LRRC4C: variants seen among roughly 807,000 people sequenced by gnomAD.
LRRC4C encodes the protein leucine rich repeat containing 4C, also known as leucine-rich repeat-containing protein 4C.
A neutral mutation model predicts 33.6 loss-of-function variants in LRRC4C; 5 were observed. The observed-to-expected ratio is 0.15, with a 90% CI of 0.08 to 0.31. The LOEUF is 0.31. Among genes scored for constraint, LRRC4C ranks in the 10% least tolerant of loss-of-function variants. The pLI is 1.00. For missense variants in LRRC4C, 560 were observed against 796.7 expected (o/e 0.70, Z 3.58); for synonymous variants, 329 against 302.0 (o/e 1.09, Z -0.93).
intron 1 of LRRC4C, among the ~76,000 whole-genome samples, chr11:41,047,822 C>T (rs993812127): frequency 3.3e-5 from 5 of 152,068 alleles, no homozygotes; most frequent in Admixed American, 2.0e-4. Context: ...CCATACTTCC[C>T]TCCTTGTATA....
intron 1 of LRRC4C, among the ~76,000 whole-genome samples, chr11:41,008,644 T>A (rs1327597976): frequency 3.9e-5 from 6 of 152,148 alleles, no homozygotes; most frequent in Non-Finnish European, 8.8e-5. Flanking sequence ...TTAACAGATA[T>A]GCTATTATCA....
intron 3 of LRRC4C, among the ~76,000 whole-genome samples, chr11:40,482,801 G>T (rs988090972): frequency 1.3e-5 from 2 of 152,060 alleles, no homozygotes; most frequent in South Asian, 2.1e-4. Context: ...AGAATACAAA[G>T]AACCTAAATA....
chr11:40,236,420 T>C (rs1865562434), intron 5 of LRRC4C, among the ~76,000 whole-genome samples: 1 of 152,194 alleles, frequency 6.6e-6, no homozygotes, highest in African/African-American at 2.4e-5. Context: ...ATTCAATCTT[T>C]GTTCTTCCAA....
chr11:40,587,824 GC>G (rs1389642320), intron 3 of LRRC4C, among the ~76,000 whole-genome samples: 1 of 152,166 alleles, frequency 6.6e-6, no homozygotes, highest in Non-Finnish European at 1.5e-5. Context: ...CAGGGATAAA[GC>G]CCACTTGATC....
At chr11:40,752,698 T>TA (rs1326646424) in intron 2 of LRRC4C, among the ~76,000 whole-genome samples, 1 of 151,932 alleles carries the variant, frequency 6.6e-6, no homozygotes, top group Non-Finnish European at 1.5e-5. Flanking sequence ...ACACCTACTA[T>TA]AAAAAACGGA....
chr11:40,566,984 A>G (rs1209252087), intron 3 of LRRC4C, among the ~76,000 whole-genome samples: 3 of 152,094 alleles, frequency 2.0e-5, no homozygotes, highest in Non-Finnish European at 4.4e-5. Context: ...CTTAGTACTT[A>G]TTATAGTTCT....
rs16935652 is a variant in LRRC4C, at chr11:41,377,156, A to T, written c.-496+82275T>A. On this transcript the variant is annotated intron_variant, in intron 1 of 6. Transcript: ENST00000528697. Reference sequence around the variant, plus strand: ...CTGTGTCAGTAAAAGTACATGTGAAATTATTTTTATCTTCAATTGTCCTCC... The same window carrying T: ...CTGTGTCAGTAAAAGTACATGTGAATTTATTTTTATCTTCAATTGTCCTCC... Among the ~76,000 whole-genome samples the T allele has an allele frequency of 7.2e-4, 110 of 152,272 alleles. No homozygotes were observed. In the East Asian group the frequency reaches 0.019, roughly 26 times the overall value.
At chr11:41,323,245 A>T (rs965486123) in intron 1 of LRRC4C, among the ~76,000 whole-genome samples, 2 of 152,194 alleles carry the variant, frequency 1.3e-5, no homozygotes, top group African/African-American at 4.8e-5. Flanking sequence ...AGTATTGATG[A>T]CAGCCATACC....
chr11:40,255,343 C>A (rs1473431907), intron 4 of LRRC4C, among the ~76,000 whole-genome samples: 1 of 152,066 alleles, frequency 6.6e-6, no homozygotes, highest in Non-Finnish European at 1.5e-5. Context: ...GTGGAGCAAG[C>A]CTGACATGTT....
At chr11:40,785,013 C>T (rs577357048) in intron 2 of LRRC4C, among the ~76,000 whole-genome samples, 4 of 152,220 alleles carry the variant, frequency 2.6e-5, no homozygotes, top group African/African-American at 4.8e-5. Context: ...AAATACCTGA[C>T]GAGTTTCATA....
chr11:40,338,625 T>G (rs1946734514), intron 3 of LRRC4C, among the ~76,000 whole-genome samples: 1 of 152,182 alleles, frequency 6.6e-6, no homozygotes, highest in African/African-American at 2.4e-5. Flanking sequence ...CTAATCTCGT[T>G]CCTCAGAAAA....
At chr11:40,590,330 A>T (rs1958980942) in intron 3 of LRRC4C, among the ~76,000 whole-genome samples, 1 of 147,934 alleles carries the variant, frequency 6.8e-6, no homozygotes, top group African/African-American at 2.5e-5. Context: ...CAGCTCCATC[A>T]GCTCCTTTAA....
At chr11:40,310,333 A>G (rs1945241507) in intron 4 of LRRC4C, among the ~76,000 whole-genome samples, 1 of 152,160 alleles carries the variant, frequency 6.6e-6, no homozygotes, top group Admixed American at 6.5e-5. Context: ...TAAGGAATGA[A>G]TCAGAACCCC....
intron 2 of LRRC4C, among the ~76,000 whole-genome samples, chr11:40,744,471 T>G (rs1179679054): frequency 6.6e-6 from 1 of 152,176 alleles, no homozygotes; most frequent in Non-Finnish European, 1.5e-5. Flanking sequence ...ATTTCTCTAC[T>G]TCATTGTAAT....
At chr11:40,883,109 T>A (rs1363822016) in intron 2 of LRRC4C, among the ~76,000 whole-genome samples, 1 of 152,088 alleles carries the variant, frequency 6.6e-6, no homozygotes, top group Non-Finnish European at 1.5e-5. Flanking sequence ...ATAACTTCTA[T>A]TCCCATGTCC....
At position 40,183,772 on chromosome 11, in the gene LRRC4C, T is replaced by C. The variant is rs115233847; in HGVS notation, c.-95-42919A>G. 3.8e-3 allele frequency among the ~76,000 whole-genome samples: 576 copies of C among 152,328 alleles called. 2 individuals carry two copies. The highest frequency in any genetic ancestry group is 0.013 in the African/African-American group (551 of 41,574). On this transcript the variant is annotated intron_variant, in intron 5 of 6. Coordinates refer to ENST00000528697, the MANE Select transcript of LRRC4C (RefSeq NM_001258419.2). ...AAAGGCCAACTTTACATGGTATACC[T>C]CCTCAGTCCTTACCCTCTGCCTTAC...
intron 2 of LRRC4C, among the ~76,000 whole-genome samples, chr11:40,811,740 C>T (rs1813540581): frequency 6.6e-6 from 1 of 152,184 alleles, no homozygotes; most frequent in South Asian, 2.1e-4. Flanking sequence ...AAGCAATATG[C>T]CTGCCTCAGC....
chr11:40,360,838 T>C (rs78421211), intron 3 of LRRC4C, among the ~76,000 whole-genome samples: 1 of 152,140 alleles, frequency 6.6e-6, no homozygotes, highest in Non-Finnish European at 1.5e-5. Flanking sequence ...AATATCAATG[T>C]AAAAATTCTC....
intron 2 of LRRC4C, among the ~76,000 whole-genome samples, chr11:40,702,605 T>G (rs2136499421): frequency 6.6e-6 from 1 of 152,276 alleles, no homozygotes; most frequent in South Asian, 2.1e-4. Flanking sequence ...TGTTTCCCTG[T>G]CCTCATGAGC....
Sources: allele counts gnomAD v4.1 joint callset (sites outside exome capture counted in the v4.1 genomes callset), GRCh38; gene constraint gnomAD v4.1.1; transcripts MANE v1.5; gene names NCBI Gene and HGNC (gene_info 2026-07-23, HGNC 2026-07-21).